The following SLC26A5 variants were observed in gnomAD, a reference collection of about 807,000 sequenced individuals.
The protein encoded by SLC26A5 is solute carrier family 26 member 5, also known as prestin.
Under a neutral mutation model 81.0 loss-of-function variants are expected in SLC26A5, and 51 were observed. The ratio of observed to expected loss-of-function variants is 0.63; its 90% CI spans 0.50 to 0.80. The LOEUF (loss-of-function observed/expected upper bound fraction) is 0.80, where lower values mean the gene tolerates loss of function less well. Ranked by LOEUF, SLC26A5 falls within the 30% of genes least tolerant of loss-of-function variation. The probability of loss-of-function intolerance (pLI) is 0.00; values close to 1 mark genes in which losing one functional copy is unlikely to be tolerated. For synonymous variants in SLC26A5, 325 were observed against 332.8 expected (o/e 0.98, Z 0.25); for missense variants, 771 against 905.8 (o/e 0.85, Z 1.91).
intron 19 of SLC26A5, among the ~76,000 whole-genome samples, chr7:103,354,501 T>C (rs1211697496): frequency 6.6e-6 from 1 of 151,912 alleles, no homozygotes; most frequent in Admixed American, 6.6e-5. Flanking sequence ...CCTGAGTAGC[T>C]GGGATTATGA....
chr7:103,393,039 G>C lies in SLC26A5; in HGVS notation c.999C>G (p.Thr333=). The change falls in exon 10 of 20, where the codon ACC becomes ACG. Residue 333 remains threonine (T), a synonymous_variant. Transcript: ENST00000306312. ...LGLLPPANPD[T]SLFHLVYVDA... ...CTACGTACACAAGGTGGAAGAGGCT[G>C]GTGTCCGGATTGGCTGGAGGTAGCA... 6.2e-7 allele frequency: 1 copy of C among 1,614,006 alleles called. No individual in the cohort carries two copies. Among genetic ancestry groups the C allele is most frequent in the Non-Finnish European group, 8.5e-7 (1 of 1,179,874 alleles).
intron 14 of SLC26A5, among the ~76,000 whole-genome samples, chr7:103,385,935 C>CTTTT (rs1338061515): frequency 2.2e-5 from 3 of 139,086 alleles, no homozygotes; most frequent in African/African-American, 7.9e-5. Flanking sequence ...TTCTTTCTTT[C>CTTTT]TTTTTTTTTT....
At chr7:103,431,136 A>G (rs796377638) in intron 2 of SLC26A5, among the ~76,000 whole-genome samples, 19 of 152,360 alleles carry the variant, frequency 1.2e-4, no homozygotes, top group South Asian at 4.1e-4. Context: ...ACTTCAATAG[A>G]AAAGAGTTCT....
Position 103,420,838 on chromosome 7 carries a change from G to C in SLC26A5, c.192C>G (p.Phe64Leu), listed in dbSNP as rs1243160664. The change falls in exon 4 of 20, where the codon TTC becomes TTG. Residue 64 changes from phenylalanine to leucine, a missense_variant. Coordinates refer to ENST00000306312, the MANE Select transcript of SLC26A5 (RefSeq NM_198999.3). ...PKKIRNIIYM[F>L]LPITKWLPAY... ...CTGGCAGCCATTTAGTTATGGGTAG[G>C]AACATATAAATGATATTTCTTATTT... The C allele has an allele frequency of 6.2e-7, 1 of 1,612,800 alleles. No homozygotes were observed. The highest frequency in any genetic ancestry group is 8.5e-7 in the Non-Finnish European group (1 of 1,178,956).
chr7:103,420,935 T>C, intron 3 of SLC26A5, 58 bp from the exon 4 acceptor site: 1 of 1,545,174 alleles, frequency 6.5e-7, no homozygotes, highest in East Asian at 2.2e-5. Flanking sequence ...CTCTGTAGAA[T>C]TCAAACCAAA....
intron 2 of SLC26A5, among the ~76,000 whole-genome samples, chr7:103,432,216 G>A (rs942882707): frequency 5.9e-5 from 9 of 152,106 alleles, no homozygotes; most frequent in Admixed American, 3.3e-4. Flanking sequence ...ACACTCAGCC[G>A]AAATATTAAC....
At chr7:103,411,043 A>G (rs1039063013) in intron 6 of SLC26A5, among the ~76,000 whole-genome samples, 4 of 152,154 alleles carry the variant, frequency 2.6e-5, no homozygotes, top group Non-Finnish European at 4.4e-5. Context: ...GGTGCCCCAC[A>G]GTGCGCTGAC....
In SLC26A5 at chr7:103,413,093, C is replaced by T; in HGVS notation, c.312G>A (p.Leu104=). Residue 104 remains leucine, a synonymous_variant, in exon 5 of 20, where the codon CTG becomes CTA. Transcript: ENST00000306312. ...GGCCAAATATTGGAGGCACAGCTGC[C>T]AGCATTGCAAAGGCTAAGCCTGTGG... is the stretch of plus-strand genomic sequence containing the variant. ...QLPQGLAFAM[L]AAVPPIFGLY... is the part of the protein sequence containing the mutation. 6.2e-7 allele frequency: 1 copy of T among 1,613,574 alleles called. No individual in the cohort carries two copies. The highest frequency in any genetic ancestry group is 1.3e-5 in the African/African-American group (1 of 75,012).
At chr7:103,387,784 C>T (rs1489631411) in intron 14 of SLC26A5, among the ~76,000 whole-genome samples, 5 of 152,078 alleles carry the variant, frequency 3.3e-5, no homozygotes, top group East Asian at 1.9e-4. Flanking sequence ...CAGGTTCAAG[C>T]GATTCTCCTG....
At chr7:103,382,923 G>A (rs991825258) in intron 14 of SLC26A5, among the ~76,000 whole-genome samples, 2 of 152,192 alleles carry the variant, frequency 1.3e-5, no homozygotes, top group African/African-American at 4.8e-5. Flanking sequence ...ACATTCCACA[G>A]TTTTGCTACT....
In SLC26A5 at chr7:103,443,146, T is replaced by C. The variant is rs1203913033; in HGVS notation, c.-117A>G. The C allele has an allele frequency of 3.9e-5, 6 of 152,264 alleles. No homozygotes were observed. Among genetic ancestry groups the C allele is most frequent in the Non-Finnish European group, 8.8e-5 (6 of 68,084 alleles). 9.4% of individuals were successfully genotyped at this position (152,264 alleles called of 1,614,324 possible). On this transcript the variant is annotated 5_prime_UTR_variant, in exon 2 of 20. Transcript: ENST00000306312. ...CAAGATCCCCCGCTGGGAGCTCCAG[T>C]GCAGTTCACTGAAGCCTTGATCACT...
At chr7:103,393,525 C>G (rs1394231199) in intron 9 of SLC26A5, among the ~76,000 whole-genome samples, 1 of 151,778 alleles carries the variant, frequency 6.6e-6, no homozygotes, top group Non-Finnish European at 1.5e-5. Flanking sequence ...TACTTCTCCC[C>G]CTTGTCATCT....
At chr7:103,403,569 A>G (rs1823777150) in intron 8 of SLC26A5, among the ~76,000 whole-genome samples, 1 of 151,900 alleles carries the variant, frequency 6.6e-6, no homozygotes, top group African/African-American at 2.4e-5. Context: ...TTGGGTGCAT[A>G]TATATTTAGG....
chr7:103,411,636 T>C, intron 5 of SLC26A5, 50 bp from the exon 6 acceptor site: 1 of 1,606,884 alleles, frequency 6.2e-7, no homozygotes, highest in Non-Finnish European at 8.5e-7. Context: ...GAGTATCTGA[T>C]ATGGTTTTTG....
chr7:103,368,121 C>A, intron 19 of SLC26A5: 1 of 1,369,126 alleles, frequency 7.3e-7, no homozygotes, highest in Non-Finnish European at 9.9e-7. Context: ...TGTTAATAAC[C>A]AATTCATAAA....
intron 2 of SLC26A5, among the ~76,000 whole-genome samples, chr7:103,425,298 T>C (rs1386683695): frequency 6.6e-6 from 1 of 152,208 alleles, no homozygotes; most frequent in Non-Finnish European, 1.5e-5. Context: ...CTTTCAACTC[T>C]GGCTAAACCT....
chr7:103,445,043 A>G (rs1346221530), intron 1 of SLC26A5, among the ~76,000 whole-genome samples: 1 of 152,194 alleles, frequency 6.6e-6, no homozygotes, highest in Non-Finnish European at 1.5e-5. Context: ...TCTAGTGCAC[A>G]TTGTTCAGTT....
In SLC26A5 at chr7:103,408,425, C is replaced by T. The variant is rs975004364; in HGVS notation, c.736-422G>A. Among the ~76,000 whole-genome samples the T allele has an allele frequency of 3.3e-5, 5 of 152,214 alleles. No individual in the cohort carries two copies. The South Asian group carries it at 8.3e-4, about 25-fold the overall frequency. On this transcript the variant is annotated intron_variant, in intron 7 of 19. Coordinates refer to ENST00000306312, the MANE Select transcript of SLC26A5 (RefSeq NM_198999.3). ...TATTTTTAGTAGACACGGAGTTTCACCATGTTGGTCAGGCTGGTCTCGAAC... is the reference window on the plus strand; with the variant it reads ...TATTTTTAGTAGACACGGAGTTTCATCATGTTGGTCAGGCTGGTCTCGAAC...
At chr7:103,389,474 T>C in intron 12 of SLC26A5, 50 bp from the exon 13 acceptor site, 5 of 1,357,726 alleles carry the variant, frequency 3.7e-6, no homozygotes, top group Non-Finnish European at 5.3e-6. Flanking sequence ...CCACAGAGTG[T>C]CCTTTGCTGG....
Sources: allele counts gnomAD v4.1 joint callset (sites outside exome capture counted in the v4.1 genomes callset), GRCh38; gene constraint gnomAD v4.1.1; transcripts MANE v1.5; gene names NCBI Gene and HGNC (gene_info 2026-07-23, HGNC 2026-07-21).